USP25: variants seen among roughly 807,000 people sequenced by gnomAD.
USP25 encodes the protein ubiquitin specific peptidase 25, also known as ubiquitin carboxyl-terminal hydrolase 25.
Under a neutral mutation model 158.5 loss-of-function variants are expected in USP25, and 85 were observed. That is an observed-to-expected ratio of 0.54 (90% CI 0.45 to 0.64). USP25 has a LOEUF of 0.64. Among genes scored for constraint, USP25 ranks in the 30% least tolerant of loss-of-function variants. The probability of loss-of-function intolerance (pLI) is 0.00; values close to 1 mark genes in which losing one functional copy is unlikely to be tolerated. For synonymous variants in USP25, 464 were observed against 460.4 expected (o/e 1.01, Z -0.10); for missense variants, 1,242 against 1,327.3 (o/e 0.94, Z 1.00).
At chr21:15,781,758 C>T (rs2034977690) in intron 4 of USP25, among the ~76,000 whole-genome samples, 1 of 152,146 alleles carries the variant, frequency 6.6e-6, no homozygotes, top group Admixed American at 6.5e-5. Context: ...CATCAGTCCT[C>T]ATCACCACCA....
intron 1 of USP25, among the ~76,000 whole-genome samples, chr21:15,761,466 C>T (rs2033721634): frequency 1.3e-5 from 2 of 152,170 alleles, no homozygotes; most frequent in South Asian, 4.1e-4. Flanking sequence ...TTAGCAACTT[C>T]CTGATAAGAT....
At chr21:15,867,472 T>G (rs559577452) in intron 22 of USP25, among the ~76,000 whole-genome samples, 2 of 152,158 alleles carry the variant, frequency 1.3e-5, no homozygotes, top group East Asian at 3.9e-4. Context: ...TAGGAAATAA[T>G]AAAACTGCAG....
chr21:15,862,650 G>A (rs1274578133), intron 20 of USP25, among the ~76,000 whole-genome samples: 2 of 148,302 alleles, frequency 1.3e-5, no homozygotes, highest in East Asian at 3.9e-4. Context: ...TGCTACCTAG[G>A]CACACAGTAA....
At chr21:15,791,360 A>C in intron 4 of USP25, 142 bp from the exon 5 acceptor site, 1 of 915,268 alleles carries the variant, frequency 1.1e-6, no homozygotes, top group Non-Finnish European at 1.5e-6. Context: ...TAAAACGTGT[A>C]TTTGAGTAAA....
intron 4 of USP25, among the ~76,000 whole-genome samples, chr21:15,779,783 ATATTAT>A (rs1474287398): frequency 6.6e-6 from 1 of 151,978 alleles, no homozygotes; most frequent in Non-Finnish European, 1.5e-5. Flanking sequence ...TATTTGGTAG[ATATTAT>A]TATTGTAGAT....
intron 18 of USP25, among the ~76,000 whole-genome samples, chr21:15,844,995 T>C (rs1361531814): frequency 2.0e-5 from 3 of 152,192 alleles, no homozygotes; most frequent in Admixed American, 6.5e-5. Context: ...TTTTACATTA[T>C]AAATAGGCTG....
chr21:15,792,897 A>T (rs1014393219), intron 5 of USP25, among the ~76,000 whole-genome samples: 1 of 151,620 alleles, frequency 6.6e-6, no homozygotes, highest in Non-Finnish European at 1.5e-5. Context: ...ATAAATCTAT[A>T]GTAGTATCTT....
chr21:15,876,628 A>G (rs2040107701), intron 24 of USP25: 1 of 153,554 alleles, frequency 6.5e-6, no homozygotes, highest in African/African-American at 2.4e-5. Flanking sequence ...CCCTGTCACA[A>G]GAACAGCACT....
At chr21:15,790,995 G>C (rs2035559709) in intron 4 of USP25, among the ~76,000 whole-genome samples, 2 of 151,818 alleles carry the variant, frequency 1.3e-5, no homozygotes, top group East Asian at 1.9e-4. Context: ...CTCTCATAGA[G>C]GCATAGATCT....
At chr21:15,876,626 C>A (rs1461766447) in intron 24 of USP25, 1 of 154,150 alleles carries the variant, frequency 6.5e-6, no homozygotes. Context: ...CTCCCTGTCA[C>A]AAGAACAGCA....
chr21:15,753,969 A>T (rs1452467066), intron 1 of USP25, among the ~76,000 whole-genome samples: 2 of 152,180 alleles, frequency 1.3e-5, no homozygotes, highest in Non-Finnish European at 2.9e-5. Context: ...ATGTATGGTG[A>T]ATAAAGGGTG....
At chr21:15,801,075 C>T (rs1457312450) in intron 6 of USP25, among the ~76,000 whole-genome samples, 1 of 151,536 alleles carries the variant, frequency 6.6e-6, no homozygotes, top group African/African-American at 2.4e-5. Flanking sequence ...GTTAATATCA[C>T]AGTTCTTCTC....
In USP25 at chr21:15,856,478, C is replaced by CTT. The variant is rs752182210; in HGVS notation, c.2547+6616_2547+6617dup. Among the ~76,000 whole-genome samples the CTT allele has an allele frequency of 9.1e-5, 13 of 142,364 alleles. No homozygotes were observed. In the East Asian group the frequency reaches 1.8e-3, roughly 20 times the overall value. 93.4% of individuals were successfully genotyped at this position (142,364 alleles called of 152,430 possible). A position where few individuals can be genotyped will look rare whatever the true frequency, so the allele number is the denominator to read the frequency against. ...AGGAGTATACTCTTTCTTTTTTTTT[C>CTT]TTTTTTTTTTTGAGACGGAGTCTCG... is the stretch of plus-strand genomic sequence containing the variant. On this transcript the variant is annotated intron_variant, in intron 20 of 25. Coordinates refer to ENST00000400183, the MANE Select transcript of USP25 (RefSeq NM_001283041.3).
At chr21:15,851,154 T>C (rs1476234394) in intron 20 of USP25, among the ~76,000 whole-genome samples, 3 of 151,938 alleles carry the variant, frequency 2.0e-5, no homozygotes, top group Non-Finnish European at 2.9e-5. Context: ...CTAAAGTATT[T>C]ATTTCTTGTG....
At chr21:15,735,309 G>T (rs1053017045) in intron 1 of USP25, among the ~76,000 whole-genome samples, 2 of 152,116 alleles carry the variant, frequency 1.3e-5, no homozygotes, top group Non-Finnish European at 2.9e-5. Context: ...AAAAAGCATT[G>T]TTGCATCTGT....
chr21:15,781,422 A>G (rs539367526), intron 4 of USP25, among the ~76,000 whole-genome samples: 1 of 152,366 alleles, frequency 6.6e-6, no homozygotes, highest in South Asian at 2.1e-4. Flanking sequence ...AGAACACATT[A>G]GAGCACTCAT....
intron 1 of USP25, among the ~76,000 whole-genome samples, chr21:15,761,175 TAG>T (rs1448365436): frequency 1.2e-4 from 19 of 152,212 alleles, no homozygotes; most frequent in Admixed American, 5.9e-4. Flanking sequence ...TCACAGATTA[TAG>T]AGTGTCAGGA....
Position 15,766,175 on chromosome 21 carries a change from GA to G in USP25, c.268+37del. 1 of 1,551,894 alleles carries G rather than the reference GA, an allele frequency of 6.4e-7. No homozygotes were observed. The highest frequency in any genetic ancestry group is 8.6e-7 in the Non-Finnish European group (1 of 1,158,900). Reference sequence around the variant, plus strand: ...TCTTTCTTTTCTTATTATTTTAATAGAAACATACTGAAAAACTTTTCTTGGT... The same window carrying G: ...TCTTTCTTTTCTTATTATTTTAATAGAACATACTGAAAAACTTTTCTTGGT... On this transcript the variant is annotated intron_variant, in intron 3 of 25. Coordinates refer to ENST00000400183, the MANE Select transcript of USP25 (RefSeq NM_001283041.3). The surrounding 1 kb of genome is among the most constrained non-coding windows in gnomAD (Gnocchi z 4.0).
intron 22 of USP25, among the ~76,000 whole-genome samples, chr21:15,866,798 T>C (rs565782867): frequency 6.6e-6 from 1 of 152,208 alleles, no homozygotes; most frequent in East Asian, 1.9e-4. Flanking sequence ...GTAAGATAGG[T>C]AGTGTTCTTA....
Sources: gnomAD v4.1 joint callset for allele counts (sites outside exome capture counted in the v4.1 genomes callset) on GRCh38, gnomAD v4.1.1 for gene constraint, Gnocchi (gnomAD v3.1) non-coding constraint, MANE v1.5 for transcripts, NCBI Gene and HGNC (gene_info 2026-07-23, HGNC 2026-07-21) for gene names.